Variants in AMPH observed in about 807,000 individuals in gnomAD.
AMPH encodes amphiphysin (Stiff-Mann syndrome with breast cancer 128kD autoantigen).
Under a neutral mutation model 99.1 loss-of-function variants are expected in AMPH, and 49 were observed. That is an observed-to-expected ratio of 0.49 (90% CI 0.39 to 0.63). The LOEUF (loss-of-function observed/expected upper bound fraction) is 0.63. Among genes scored for constraint, AMPH ranks in the 20% least tolerant of loss-of-function variants. The pLI, the probability that AMPH is intolerant of heterozygous loss-of-function variation, is 0.00. For missense variants in AMPH, 759 were observed against 863.4 expected (o/e 0.88, Z 1.52); for synonymous variants, 314 against 317.3 (o/e 0.99, Z 0.11).
chr7:38,577,573 A>G (rs552434088), intron 1 of AMPH, among the ~76,000 whole-genome samples: 3 of 152,260 alleles, frequency 2.0e-5, no homozygotes, highest in African/African-American at 7.2e-5. Context: ...ACCAGCACTT[A>G]ACATAGTGTC....
In AMPH at chr7:38,575,405, G is replaced by C. The variant is rs77180238; in HGVS notation, c.70-40394C>G. ...TCTCCAAAGGACATTTATTTGGTTT[G>C]GCTGTGTCCCCACCCAAATCTCATC... On this transcript the variant is annotated intron_variant, in intron 1 of 20. Coordinates refer to ENST00000356264, the MANE Select transcript of AMPH (RefSeq NM_001635.4). Among the ~76,000 whole-genome samples, 688 of 152,208 alleles carry C rather than the reference G, an allele frequency of 4.5e-3. 24 individuals carry two copies. The East Asian group carries it at 0.087, about 19-fold the overall frequency.
intron 17 of AMPH, among the ~76,000 whole-genome samples, chr7:38,411,793 T>C (rs1018243153): frequency 1.1e-4 from 16 of 152,174 alleles, no homozygotes; most frequent in Admixed American, 3.9e-4. Context: ...TGGTCTTACA[T>C]AGGCTACCCA....
chr7:38,429,554 G>A (rs973854841), intron 14 of AMPH: 2 of 1,421,444 alleles, frequency 1.4e-6, no homozygotes, highest in South Asian at 1.2e-5. Context: ...GGTTACACAA[G>A]GAAAGACTTT....
At chr7:38,485,453 A>T (rs1283503439) in intron 5 of AMPH, among the ~76,000 whole-genome samples, 1 of 151,996 alleles carries the variant, frequency 6.6e-6, no homozygotes, top group Non-Finnish European at 1.5e-5. Flanking sequence ...GCATCTATAT[A>T]TGTAAAGCAA....
chr7:38,536,713 T>C (rs1186867400), intron 1 of AMPH, among the ~76,000 whole-genome samples: 1 of 152,160 alleles, frequency 6.6e-6, no homozygotes, highest in Non-Finnish European at 1.5e-5. Flanking sequence ...GTAAATGTAT[T>C]ATTTTTCAGA....
intron 1 of AMPH, among the ~76,000 whole-genome samples, chr7:38,610,348 GAAAAGAAAAGAAAAGAAAAGA>G (rs1793622364): frequency 3.4e-5 from 1 of 29,364 alleles, no homozygotes; most frequent in African/African-American, 1.9e-4. Flanking sequence ...GAAAAGAAAA[GAAAAGAAAAGAAAAGAAAAGA>G]AAAGAAAGGA....
chr7:38,454,363 G>A (rs564745793), intron 11 of AMPH, among the ~76,000 whole-genome samples: 1 of 152,210 alleles, frequency 6.6e-6, no homozygotes, highest in Non-Finnish European at 1.5e-5. Flanking sequence ...AGTAATTATA[G>A]TACTGCATTA....
In AMPH at chr7:38,590,630, G is replaced by C. The variant is rs755429478; in HGVS notation, c.69+40653C>G. Among the ~76,000 whole-genome samples the C allele has an allele frequency of 3.9e-4, 59 of 152,286 alleles. No homozygotes were observed. The Middle Eastern group carries it at 0.02, about 53-fold the overall frequency. ...ACTATTTCTTTACCTCCTGCTCTTAGCCTAATTTGTATTTTAGTGAGCCCT... is the reference window on the plus strand; with the variant it reads ...ACTATTTCTTTACCTCCTGCTCTTACCCTAATTTGTATTTTAGTGAGCCCT... On this transcript the variant is annotated intron_variant, in intron 1 of 20. Coordinates refer to ENST00000356264, the MANE Select transcript of AMPH (RefSeq NM_001635.4).
chr7:38,590,453 G>C (rs1457239133), intron 1 of AMPH, among the ~76,000 whole-genome samples: 2 of 152,170 alleles, frequency 1.3e-5, no homozygotes, highest in Admixed American at 1.3e-4. Flanking sequence ...GACCAGAAGA[G>C]TGTGCAGTTG....
chr7:38,586,196 T>C (rs145082133), intron 1 of AMPH, among the ~76,000 whole-genome samples: 147 of 152,276 alleles, frequency 9.7e-4, no homozygotes, highest in African/African-American at 3.3e-3. Context: ...GTGGAAATTT[T>C]CCAACGAACA....
intron 3 of AMPH, among the ~76,000 whole-genome samples, chr7:38,500,419 A>G (rs1302130609): frequency 6.6e-6 from 1 of 152,204 alleles, no homozygotes; most frequent in African/African-American, 2.4e-5. Context: ...AGCTGTGGCC[A>G]CTAGCCCTGG....
intron 11 of AMPH, among the ~76,000 whole-genome samples, chr7:38,440,627 A>G (rs1455252346): frequency 2.0e-5 from 3 of 152,222 alleles, no homozygotes; most frequent in African/African-American, 4.8e-5. Context: ...CAAAAATTGC[A>G]TAAAAAACAG....
At chr7:38,518,357 C>A (rs1183831896) in intron 2 of AMPH, among the ~76,000 whole-genome samples, 1 of 152,148 alleles carries the variant, frequency 6.6e-6, no homozygotes, top group Non-Finnish European at 1.5e-5. Context: ...AAACATAGAA[C>A]TTGTAGGGCC....
intron 11 of AMPH, among the ~76,000 whole-genome samples, chr7:38,444,990 C>CAT (rs3056203): frequency 1.8e-4 from 25 of 135,844 alleles, no homozygotes; most frequent in South Asian, 5.4e-4. Context: ...CATATATATA[C>CAT]ATATATATAT....
At chr7:38,435,730 C>T (rs1006447429) in intron 12 of AMPH, among the ~76,000 whole-genome samples, 8 of 152,154 alleles carry the variant, frequency 5.3e-5, no homozygotes, top group African/African-American at 1.7e-4. Flanking sequence ...AGCAAGGCGA[C>T]TCTCCATCAA....
At chr7:38,511,460 C>G (rs1789538791) in intron 2 of AMPH, among the ~76,000 whole-genome samples, 1 of 152,082 alleles carries the variant, frequency 6.6e-6, no homozygotes, top group African/African-American at 2.4e-5. Context: ...GTAATAGAGG[C>G]TCCCAGAGTA....
intron 12 of AMPH, among the ~76,000 whole-genome samples, chr7:38,433,166 C>G (rs189141842): frequency 6.6e-6 from 1 of 152,150 alleles, no homozygotes; most frequent in African/African-American, 2.4e-5. Context: ...ATTGCAGAGG[C>G]CTCATTTGGG....
At chr7:38,542,981 C>T (rs1032745495) in intron 1 of AMPH, among the ~76,000 whole-genome samples, 1 of 151,978 alleles carries the variant, frequency 6.6e-6, no homozygotes, top group Non-Finnish European at 1.5e-5. Flanking sequence ...ATAGTCCCAG[C>T]TACTTGGGAG....
chr7:38,560,452 T>C (rs961875212), intron 1 of AMPH, among the ~76,000 whole-genome samples: 1 of 152,228 alleles, frequency 6.6e-6, no homozygotes, highest in Non-Finnish European at 1.5e-5. Context: ...AGAGAAATGA[T>C]AAACATTTGT....
Sources: gnomAD v4.1 joint callset for allele counts (sites outside exome capture counted in the v4.1 genomes callset) on GRCh38, gnomAD v4.1.1 for gene constraint, MANE v1.5 for transcripts, NCBI Gene and HGNC (gene_info 2026-07-23, HGNC 2026-07-21) for gene names.